The following AFF2 variants were observed in gnomAD, a reference collection of about 807,000 sequenced individuals.
The protein encoded by AFF2 is ALF transcription elongation factor 2.
In AFF2, 14 loss-of-function variants were observed where a neutral mutation model predicts 76.9. The observed-to-expected ratio is 0.18, with a 90% CI of 0.12 to 0.28. The LOEUF is 0.28. Ranked by LOEUF, AFF2 falls within the 10% of genes least tolerant of loss-of-function variation. AFF2 has a pLI of 1.00. For synonymous variants in AFF2, 398 were observed against 366.7 expected, an observed-to-expected ratio of 1.09 and a Z score of -0.98; for missense variants, 868 against 1,001.1, an observed-to-expected ratio of 0.87 and a Z score of 1.79.
chrX:148,890,420 C>T (rs782277710), intron 8 of AFF2, among the ~76,000 whole-genome samples: 66 of 112,039 alleles, frequency 5.9e-4, no homozygotes, highest in African/African-American at 2.0e-3. Flanking sequence ...CCTTGTGGTC[C>T]TTTTAAACAT....
intron 1 of AFF2, among the ~76,000 whole-genome samples, chrX:148,566,559 A>G (rs900384615): frequency 1.8e-5 from 2 of 110,987 alleles, no homozygotes; most frequent in Non-Finnish European, 1.9e-5. Flanking sequence ...AGGTTCCCCA[A>G]CTGAAGACCA....
Position 148,837,701 on chromosome X carries a change from T to C in AFF2, c.1141T>C (p.Ser381Pro). Residue 381 changes from serine (S) to proline (P), a missense_variant, in exon 5 of 21, where the codon TCT becomes CCT. Physicochemically the swap from Ser to Pro is moderately conservative, Grantham distance 74. Coordinates refer to ENST00000370460, the MANE Select transcript of AFF2 (RefSeq NM_002025.4). ...PLTSMHTAGH[S>P]EQSTFSIPGQ... is the part of the protein sequence containing the mutation. ...CACTTCCATGCATACTGCTGGACACTCTGAGCAGAGCACCTTTTCCATCCC... is the reference window on the plus strand; with the variant it reads ...CACTTCCATGCATACTGCTGGACACCCTGAGCAGAGCACCTTTTCCATCCC... 1 of 1,201,412 alleles carries C rather than the reference T, an allele frequency of 8.3e-7. No homozygotes were observed. Among genetic ancestry groups the C allele is most frequent in the South Asian group, 1.8e-5 (1 of 56,663 alleles).
At chrX:148,620,645 G>T (rs2124417550) in intron 1 of AFF2, among the ~76,000 whole-genome samples, 1 of 110,399 alleles carries the variant, frequency 9.1e-6, no homozygotes, top group South Asian at 3.9e-4. Context: ...TACTAATTTT[G>T]AGCATGCTTT....
rs186619330 is a variant in AFF2, at chrX:148,729,566, T to C, written c.1041+66798T>C. 2.3e-3 allele frequency among the ~76,000 whole-genome samples: 252 copies of C among 111,413 alleles called. 1 individual carries two copies. Among genetic ancestry groups the C allele is most frequent in the Non-Finnish European group, 2.3e-3 (120 of 53,040 alleles). On this transcript the variant is annotated intron_variant, in intron 3 of 20. Transcript: ENST00000370460. The stretch of plus-strand genomic sequence containing the variant: ...TAGGCCTGTGAAAAGGGAACTGGCA[T>C]ACCCAGGCTTTCATTCTGGTGGTGA...
intron 3 of AFF2, among the ~76,000 whole-genome samples, chrX:148,735,807 C>T (rs781848678): frequency 1.1e-4 from 12 of 111,189 alleles, no homozygotes; most frequent in Non-Finnish European, 5.7e-5. Context: ...TCCATTGTAT[C>T]ATTCTTATGC....
chrX:148,935,211 T>A (rs2071759753), intron 9 of AFF2, among the ~76,000 whole-genome samples: 1 of 110,596 alleles, frequency 9.0e-6, no homozygotes. Flanking sequence ...AAGAACCATG[T>A]TGGACAAAAA....
intron 9 of AFF2, among the ~76,000 whole-genome samples, chrX:148,927,297 A>C (rs2071662053): frequency 8.9e-6 from 1 of 112,068 alleles, no homozygotes. Context: ...ACCTTATAGC[A>C]GTCAGACTAA....
At chrX:148,970,400 C>A (rs1257649029) in intron 15 of AFF2, among the ~76,000 whole-genome samples, 2 of 111,907 alleles carry the variant, frequency 1.8e-5, no homozygotes, top group African/African-American at 3.3e-5. Flanking sequence ...TTCACAGTTG[C>A]ATAGAAAATA....
intron 1 of AFF2, among the ~76,000 whole-genome samples, chrX:148,640,783 CA>C (rs1557254574): frequency 8.9e-6 from 1 of 112,249 alleles, no homozygotes; most frequent in African/African-American, 3.2e-5. Flanking sequence ...CAAGCATTCG[CA>C]AAGGCCAAAT....
chrX:148,667,602 C>A (rs1358800326), intron 3 of AFF2, among the ~76,000 whole-genome samples: 1 of 111,836 alleles, frequency 8.9e-6, no homozygotes, highest in African/African-American at 3.3e-5. Flanking sequence ...AGGTGAGAGG[C>A]ATATCTCACA....
In AFF2 at chrX:148,966,993, C is replaced by T; in HGVS notation, c.3117C>T (p.His1039=). The T allele has an allele frequency of 2.5e-6, 3 of 1,211,798 alleles. No homozygotes were observed. The highest frequency in any genetic ancestry group is 3.3e-6 in the Non-Finnish European group (3 of 895,561). Reference sequence around the variant, plus strand: ...CTACTGGCCTCATGGATAGCAGTCACCTGGAGATGACGTCCTGGGCGGCTC... The same window carrying T: ...CTACTGGCCTCATGGATAGCAGTCATCTGGAGATGACGTCCTGGGCGGCTC... ...TITTGLMDSS[H]LEMTSWAALP... is the part of the protein sequence containing the mutation. Residue 1039 remains histidine, a synonymous_variant, in exon 14 of 21, where the codon CAC becomes CAT. Coordinates refer to ENST00000370460, the MANE Select transcript of AFF2 (RefSeq NM_002025.4).
chrX:148,871,783 C>T (rs1478271477), intron 7 of AFF2, among the ~76,000 whole-genome samples: 1 of 111,552 alleles, frequency 9.0e-6, no homozygotes. Flanking sequence ...CCCATCCAGA[C>T]AGCTGTCTCT....
intron 3 of AFF2, among the ~76,000 whole-genome samples, chrX:148,754,705 C>T (rs1305831027): frequency 9.9e-5 from 11 of 111,309 alleles, no homozygotes; most frequent in African/African-American, 3.3e-4. Flanking sequence ...GTTGAAGGAA[C>T]AATTAACCAT....
At chrX:148,732,959 T>C (rs182667744) in intron 3 of AFF2, among the ~76,000 whole-genome samples, 1 of 111,651 alleles carries the variant, frequency 9.0e-6, no homozygotes, top group East Asian at 2.8e-4. Context: ...TTTCCTTGTA[T>C]ATAAATAGCA....
chrX:148,967,330 C>A (rs1457070510), intron 14 of AFF2, among the ~76,000 whole-genome samples: 3 of 111,632 alleles, frequency 2.7e-5, no homozygotes, highest in African/African-American at 6.5e-5. Flanking sequence ...CCTTTCCTAT[C>A]CATGTCCTCA....
chrX:148,991,395 T>C lies in AFF2; in HGVS notation c.*63T>C. 9.2e-7 allele frequency: 1 copy of C among 1,085,089 alleles called. No individual in the cohort carries two copies. The highest frequency in any genetic ancestry group is 1.2e-6 in the Non-Finnish European group (1 of 815,901). The allele number at this position is 1,085,089 out of a possible 1,213,427, so 89.4% of individuals were successfully genotyped here. On this transcript the variant is annotated 3_prime_UTR_variant, in exon 21 of 21. Coordinates refer to ENST00000370460, the MANE Select transcript of AFF2 (RefSeq NM_002025.4). ...TCTACCTCTACCAGCGCACTGATGGTCACTGGTGGAACTCCACTCACTGGG... is the reference window on the plus strand; with the variant it reads ...TCTACCTCTACCAGCGCACTGATGGCCACTGGTGGAACTCCACTCACTGGG...
At chrX:148,971,747 C>CTTTTTTTTTTTTTTT (rs781928514) in intron 15 of AFF2, among the ~76,000 whole-genome samples, 3 of 44,730 alleles carry the variant, frequency 6.7e-5, no homozygotes, top group African/African-American at 9.5e-5. Context: ...TTTTCTATTT[C>CTTTTTTTTTTTTTTT]TTTTTTTTTT....
intron 8 of AFF2, among the ~76,000 whole-genome samples, chrX:148,902,769 C>G (rs1557281026): frequency 1.8e-5 from 2 of 111,453 alleles, no homozygotes; most frequent in African/African-American, 6.5e-5. Context: ...AGCTTTTTTC[C>G]TATTCTAGCA....
intron 1 of AFF2, among the ~76,000 whole-genome samples, chrX:148,566,198 C>A (rs782636836): frequency 9.0e-6 from 1 of 110,794 alleles, no homozygotes; most frequent in Non-Finnish European, 1.9e-5. Context: ...CTATTTTGCC[C>A]AAGTCTGTCA....
Sources: gnomAD v4.1 joint callset for allele counts (sites outside exome capture counted in the v4.1 genomes callset) on GRCh38, gnomAD v4.1.1 for gene constraint, MANE v1.5 for transcripts, NCBI Gene and HGNC (gene_info 2026-07-23, HGNC 2026-07-21) for gene names.